The following ZFHX3 variants were observed in gnomAD, a reference collection of about 807,000 sequenced individuals.
The protein encoded by ZFHX3 is zinc finger homeobox 3, also known as zinc finger homeobox protein 3.
A neutral mutation model predicts 279.1 loss-of-function variants in ZFHX3; 42 were observed. That is an observed-to-expected ratio of 0.15 (90% CI 0.12 to 0.19). ZFHX3 has a LOEUF of 0.19. ZFHX3 is among the 10% of genes least tolerant of loss of function. The probability of loss-of-function intolerance (pLI) is 1.00; values close to 1 mark genes in which losing one functional copy is unlikely to be tolerated. For synonymous variants in ZFHX3, 2,293 were observed against 1,957.8 expected (o/e 1.17, Z -4.52); for missense variants, 4,981 against 4,754.0 (o/e 1.05, Z -1.40).
chr16:73,453,901 G>A (rs1178783042), intron 3 of ZFHX3, among the ~76,000 whole-genome samples: 1 of 152,136 alleles, frequency 6.6e-6, no homozygotes, highest in Non-Finnish European at 1.5e-5. Flanking sequence ...CCACCCTTAT[G>A]ATTCGATTAC....
At chr16:73,201,223 T>G (rs528519361) in intron 5 of ZFHX3, among the ~76,000 whole-genome samples, 24 of 152,204 alleles carry the variant, frequency 1.6e-4, no homozygotes, top group Non-Finnish European at 3.1e-4. Context: ...GGGGTATTTA[T>G]GCTGGTGGAT....
chr16:73,236,011 G>T (rs1448696093), intron 5 of ZFHX3, among the ~76,000 whole-genome samples: 1 of 152,198 alleles, frequency 6.6e-6, no homozygotes, highest in East Asian at 1.9e-4. Context: ...TGAGTTAAGT[G>T]AAACATATTT....
intron 1 of ZFHX3, among the ~76,000 whole-genome samples, chr16:73,046,613 C>G (rs569712956): frequency 2.2e-4 from 34 of 152,218 alleles, no homozygotes; most frequent in African/African-American, 7.9e-4. Context: ...GCACCTGCTG[C>G]TTGACGGCAA....
At chr16:73,447,077 A>T (rs1289133848) in intron 3 of ZFHX3, among the ~76,000 whole-genome samples, 1 of 151,406 alleles carries the variant, frequency 6.6e-6, no homozygotes, top group Non-Finnish European at 1.5e-5. Flanking sequence ...GCTACTCGGG[A>T]GGCTGAGGCA....
At chr16:72,990,872 C>G (rs1963060598) in intron 1 of ZFHX3, among the ~76,000 whole-genome samples, 1 of 152,018 alleles carries the variant, frequency 6.6e-6, no homozygotes, top group South Asian at 2.1e-4. Flanking sequence ...CCCAGCTACT[C>G]GAGAGGCTGA....
At chr16:73,207,788 A>G (rs1597220345) in intron 5 of ZFHX3, among the ~76,000 whole-genome samples, 1 of 152,208 alleles carries the variant, frequency 6.6e-6, no homozygotes, top group African/African-American at 2.4e-5. Context: ...ATAAGTAACA[A>G]TAAGTAAGAG....
chr16:72,931,350 A>G (rs1241445440), intron 3 of ZFHX3, among the ~76,000 whole-genome samples: 3 of 150,714 alleles, frequency 2.0e-5, no homozygotes, highest in African/African-American at 4.9e-5. Context: ...ATTTCCTCCC[A>G]CTTGTTGACT....
chr16:73,077,570 A>G (rs570192499), intron 8 of ZFHX3, among the ~76,000 whole-genome samples: 2 of 152,188 alleles, frequency 1.3e-5, no homozygotes, highest in East Asian at 1.9e-4. Flanking sequence ...AAAAAAAGGC[A>G]TATCTACTAG....
intron 1 of ZFHX3, among the ~76,000 whole-genome samples, chr16:73,026,007 C>T (rs1336425006): frequency 6.6e-6 from 1 of 151,852 alleles, no homozygotes; most frequent in East Asian, 1.9e-4. Context: ...TCGATGCTTC[C>T]CAAAAGGAAC....
chr16:73,716,894 G>A (rs537985283), intron 1 of ZFHX3, among the ~76,000 whole-genome samples: 6 of 152,128 alleles, frequency 3.9e-5, no homozygotes, highest in Non-Finnish European at 7.4e-5. Context: ...GTGAAGCCCC[G>A]TCATTATTTT....
At chr16:73,420,898 T>C (rs2017705434) in intron 3 of ZFHX3, 1 of 152,268 alleles carries the variant, frequency 6.6e-6, no homozygotes, top group Non-Finnish European at 1.5e-5. Flanking sequence ...GCAACTGTTA[T>C]CTTTGTATTT....
intron 2 of ZFHX3, among the ~76,000 whole-genome samples, chr16:73,596,338 T>C (rs1361770843): frequency 2.0e-5 from 3 of 152,112 alleles, no homozygotes; most frequent in Non-Finnish European, 2.9e-5. Context: ...CATTACTTTC[T>C]AATCTCTTTT....
Position 72,797,716 on chromosome 16 carries a change from T to A in ZFHX3, c.4966A>T (p.Ser1656Cys), listed in dbSNP as rs1475140226. 6.2e-7 allele frequency: 1 copy of A among 1,614,136 alleles called. No individual in the cohort carries two copies. Among genetic ancestry groups the A allele is most frequent in the Non-Finnish European group, 8.5e-7 (1 of 1,180,024 alleles). ...SLSSSTPSPV[S>C]TSGSNTFTTS... ...GTAAAGGTGTTACTGCCACTGGTGC[T>A]CACAGGACTTGGCGTGGAGGAGCTC... Residue 1656 changes from serine to cysteine, a missense_variant, in exon 9 of 10, where the codon AGC (serine) becomes TGC (cysteine). Around this residue, in one of 7 missense-constraint regions of ZFHX3, gnomAD observed 1,751 missense variants for 1,770.0 expected, o/e 0.99. Transcript: ENST00000268489.
chr16:73,767,441 T>C (rs538855199), intron 1 of ZFHX3, among the ~76,000 whole-genome samples: 14 of 152,244 alleles, frequency 9.2e-5, no homozygotes, highest in East Asian at 5.8e-4. Context: ...AAGTAGAGAG[T>C]ACTACATGAG....
chr16:72,952,853 G>A (rs1961059898), intron 2 of ZFHX3, among the ~76,000 whole-genome samples: 1 of 152,180 alleles, frequency 6.6e-6, no homozygotes, highest in Non-Finnish European at 1.5e-5. Context: ...GTACGGTCAA[G>A]CAGAAGGCTG....
chr16:73,725,540 AGTGT>A (rs35247672), intron 1 of ZFHX3, among the ~76,000 whole-genome samples: 35 of 148,244 alleles, frequency 2.4e-4, no homozygotes, highest in African/African-American at 5.0e-4. Flanking sequence ...AGTGTGAGTG[AGTGT>A]GTGTGTGTGT....
intron 2 of ZFHX3, among the ~76,000 whole-genome samples, chr16:73,562,215 A>G (rs1390391006): frequency 6.6e-6 from 1 of 152,188 alleles, no homozygotes; most frequent in Admixed American, 6.5e-5. Context: ...TTCTCTGTCA[A>G]AGTCGTCACT....
intron 8 of ZFHX3, among the ~76,000 whole-genome samples, chr16:73,090,257 G>A (rs1966056968): frequency 6.6e-6 from 1 of 152,108 alleles, no homozygotes; most frequent in Non-Finnish European, 1.5e-5. Flanking sequence ...AGCCAGCATG[G>A]TGGCATGCGC....
At chr16:73,355,782 AC>A (rs1173776734) in intron 3 of ZFHX3, among the ~76,000 whole-genome samples, 1 of 152,178 alleles carries the variant, frequency 6.6e-6, no homozygotes, top group East Asian at 1.9e-4. Flanking sequence ...CATAACGCCT[AC>A]TTTCCAGGGC....
Sources: allele counts gnomAD v4.1 joint callset (sites outside exome capture counted in the v4.1 genomes callset), GRCh38; gene constraint gnomAD v4.1.1; regional missense constraint gnomAD v4.1.1; transcripts MANE v1.5; gene names NCBI Gene and HGNC (gene_info 2026-07-23, HGNC 2026-07-21).